PCDHGA8: variants seen among roughly 807,000 people sequenced by gnomAD.
PCDHGA8 encodes protocadherin gamma subfamily A, 8.
Under a neutral mutation model 59.2 loss-of-function variants are expected in PCDHGA8, and 45 were observed. That is an observed-to-expected ratio of 0.76 (90% confidence interval 0.60 to 0.98). The LOEUF (loss-of-function observed/expected upper bound fraction) is 0.98. Among genes scored for constraint, PCDHGA8 ranks in the 50% least tolerant of loss-of-function variants. The pLI is 0.00. For synonymous variants in PCDHGA8, 531 were observed against 519.0 expected (o/e 1.02, Z -0.32); for missense variants, 1,257 against 1,196.2 (o/e 1.05, Z -0.75).
chr5:141,442,164 C>A, intron 1 of PCDHGA8: 1 of 156,542 alleles, frequency 6.4e-6, no homozygotes, highest in Non-Finnish European at 1.4e-5. Context: ...GATCACTCTG[C>A]AAAGCTACAG....
chr5:141,400,538 A>C (rs994052728), intron 1 of PCDHGA8: 5 of 1,613,662 alleles, frequency 3.1e-6, no homozygotes, highest in Non-Finnish European at 4.2e-6. Context: ...AGTTTCATTT[A>C]TGTCTATTCT....
chr5:141,456,578 C>G (rs959608396), intron 1 of PCDHGA8, among the ~76,000 whole-genome samples: 10 of 152,182 alleles, frequency 6.6e-5, no homozygotes, highest in African/African-American at 1.7e-4. Flanking sequence ...TTTCCCTGAG[C>G]CTGTCAATAA....
chr5:141,409,861 A>C, intron 1 of PCDHGA8: 1 of 1,612,406 alleles, frequency 6.2e-7, no homozygotes, highest in Non-Finnish European at 8.5e-7. Context: ...TGTTGGTGGG[A>C]GACCGCAATG....
At position 141,511,349 on chromosome 5, in the gene PCDHGA8, C is replaced by CG; in HGVS notation, c.*176_*177insG. On this transcript the variant is annotated 3_prime_UTR_variant, in exon 4 of 4. Coordinates refer to ENST00000398604, the MANE Select transcript of PCDHGA8 (RefSeq NM_032088.2). The stretch of plus-strand genomic sequence containing the variant: ...GCCCAGTCAGCACCTACCCCTTCCC[C>CG]CCCAGGGGGTTGAATATGCAAAAGC... 7.1e-7 allele frequency: 1 copy of CG among 1,401,498 alleles called. No homozygotes were observed. Among genetic ancestry groups the CG allele is most frequent in the African/African-American group, 1.5e-5 (1 of 68,948 alleles). 86.8% of individuals were successfully genotyped at this position (1,401,498 alleles called of 1,614,324 possible).
chr5:141,445,456 T>A (rs921684111), intron 1 of PCDHGA8, among the ~76,000 whole-genome samples: 8 of 152,218 alleles, frequency 5.3e-5, no homozygotes, highest in Non-Finnish European at 1.0e-4. Flanking sequence ...GATGCAGCAA[T>A]GAACAAGGCA....
At chr5:141,405,505 C>T (rs573282216) in intron 1 of PCDHGA8, 22 of 751,126 alleles carry the variant, frequency 2.9e-5, no homozygotes, top group Admixed American at 1.7e-4. Flanking sequence ...TTGCAACCTC[C>T]GCCTCCCAAA....
chr5:141,454,691 C>T (rs745856768), intron 1 of PCDHGA8, among the ~76,000 whole-genome samples: 5 of 152,038 alleles, frequency 3.3e-5, no homozygotes, highest in Non-Finnish European at 5.9e-5. Flanking sequence ...CAGGCATGAG[C>T]CACCATGCTC....
rs777168071 is a variant in PCDHGA8 at position 141,477,745 on chromosome 5, C to A, written c.2425-17062C>A. The A allele has an allele frequency of 5.0e-6, 8 of 1,613,682 alleles. No homozygotes were observed. The highest frequency in any genetic ancestry group is 6.8e-6 in the Non-Finnish European group (8 of 1,180,042). On this transcript the variant is annotated intron_variant, in intron 1 of 3. Transcript: ENST00000398604. The surrounding 1 kb of genome is among the most constrained non-coding windows in gnomAD (Gnocchi z 4.9). ...TAACAGCTCATATCAGCGATGGGGG[C>A]ACCCCGGTCCTAGCCACCAACATCA...
rs1193497090 is a variant in PCDHGA8 at position 141,485,890 on chromosome 5, C to T, written c.2425-8917C>T. On this transcript the variant is annotated intron_variant, in intron 1 of 3. Coordinates refer to ENST00000398604, the MANE Select transcript of PCDHGA8 (RefSeq NM_032088.2). This position sits in a 1 kb window ranked among gnomAD's most constrained non-coding sequence, Gnocchi z 5.7. ...CCGTGCTGGACGTAAACGACAACGC[C>T]CCAGCCTTCCAGCAATCCAGCTACA... The T allele has an allele frequency of 6.2e-6, 10 of 1,614,156 alleles. No homozygotes were observed. Among genetic ancestry groups the T allele is most frequent in the Non-Finnish European group, 6.8e-6 (8 of 1,180,022 alleles).
intron 1 of PCDHGA8, chr5:141,419,373 T>C: frequency 1.9e-6 from 3 of 1,613,754 alleles, no homozygotes; most frequent in Non-Finnish European, 2.5e-6. Context: ...TCGTCCTACG[T>C]GTCCGTGAGC....
chr5:141,419,705 C>A, intron 1 of PCDHGA8: 1 of 1,613,038 alleles, frequency 6.2e-7, no homozygotes, highest in South Asian at 1.1e-5. Flanking sequence ...TGAGCCCGGG[C>A]TCTTCAGCCT....
chr5:141,398,643 C>G, intron 1 of PCDHGA8: 2 of 1,614,024 alleles, frequency 1.2e-6, no homozygotes, highest in Non-Finnish European at 1.7e-6. Context: ...AGTATAAACT[C>G]TCTCTTAACC....
chr5:141,402,704 T>C (rs1237933133), intron 1 of PCDHGA8, among the ~76,000 whole-genome samples: 1 of 152,216 alleles, frequency 6.6e-6, no homozygotes, highest in East Asian at 1.9e-4. Flanking sequence ...TCAGTGGGTG[T>C]AGTAACGGCT....
intron 1 of PCDHGA8, among the ~76,000 whole-genome samples, chr5:141,463,632 T>C (rs2099065676): frequency 6.6e-6 from 1 of 151,822 alleles, no homozygotes; most frequent in Admixed American, 6.6e-5. Flanking sequence ...GTATTTTGTT[T>C]AGTAGAGACG....
chr5:141,420,179 T>C (rs1420076172), intron 1 of PCDHGA8: 16 of 1,614,054 alleles, frequency 9.9e-6, no homozygotes, highest in Non-Finnish European at 1.2e-5. Flanking sequence ...TGTTGATCAT[T>C]GTCCAGCCAC....
intron 3 of PCDHGA8, 154 bp from the exon 4 acceptor site, chr5:141,510,793 G>GAGA: frequency 1.1e-6 from 1 of 935,078 alleles, no homozygotes; most frequent in Non-Finnish European, 1.3e-6. Context: ...CTCTTGTGAA[G>GAGA]AGAGACTACC....
intron 1 of PCDHGA8, chr5:141,410,075 GAGGTGCGCAC>G: frequency 6.2e-7 from 1 of 1,612,898 alleles, no homozygotes; most frequent in East Asian, 2.2e-5. Context: ...GCGCACTGGG[GAGGTGCGCAC>G]GGCTCGAGCC....
intron 1 of PCDHGA8, chr5:141,420,076 TCCC>T: frequency 1.9e-6 from 3 of 1,613,956 alleles, no homozygotes; most frequent in Non-Finnish European, 2.5e-6. Context: ...GACCTGTGGG[TCCC>T]CCCAACTACA....
At chr5:141,421,823 G>A in intron 1 of PCDHGA8, 1 of 1,613,802 alleles carries the variant, frequency 6.2e-7, no homozygotes. Flanking sequence ...GTACTGGAGG[G>A]AAGCCTGGAC....
Sources: allele counts gnomAD v4.1 joint callset (sites outside exome capture counted in the v4.1 genomes callset), GRCh38; gene constraint gnomAD v4.1.1; non-coding constraint Gnocchi (gnomAD v3.1); transcripts MANE v1.5; gene names NCBI Gene and HGNC (gene_info 2026-07-23, HGNC 2026-07-21).